Variants in SIGLEC11 observed in about 807,000 individuals in gnomAD.
The protein encoded by SIGLEC11 is sialic acid-binding Ig-like lectin 11.
In SIGLEC11, 47 loss-of-function variants were observed where a neutral mutation model predicts 61.2. That is an observed-to-expected ratio of 0.77 (90% CI 0.61 to 0.98). The LOEUF is 0.98. Ranked by LOEUF, SIGLEC11 falls within the 50% of genes least tolerant of loss-of-function variation. SIGLEC11 has a pLI of 0.00. For missense variants in SIGLEC11, 610 were observed against 870.3 expected, an observed-to-expected ratio of 0.70 and a Z score of 3.76; for synonymous variants, 278 against 373.1, an observed-to-expected ratio of 0.75 and a Z score of 2.94.
chr19:49,958,557 C>G lies in SIGLEC11; in HGVS notation c.1377G>C (p.Leu459=). 1.3e-6 allele frequency: 2 copies of G among 1,578,790 alleles called. No homozygotes were observed. Among genetic ancestry groups the G allele is most frequent in the South Asian group, 1.2e-5 (1 of 85,600 alleles). Residue 459 remains leucine, a synonymous_variant, in exon 8 of 11, where the codon CTG becomes CTC. Coordinates refer to ENST00000447370, the MANE Select transcript of SIGLEC11 (RefSeq NM_052884.3). ...LSLSVHYPPQ[L]LGPSCSWEAE... is the part of the protein sequence containing the mutation. ...CCTCCCAGGAGCAGGAGGGGCCCAG[C>G]AGCTGTGGAGGGTCTGTGGGGAGGG... is the stretch of plus-strand genomic sequence containing the variant.
rs931939876 is a variant in SIGLEC11, at chr19:49,955,307, A to G, written c.1652-2913T>C. ...AGCGGGGCGGGGACTGGCCCCAGAA[A>G]AAAAGCCAAAAAAAAAAAAAAAAAG... is the stretch of plus-strand genomic sequence containing the variant. On this transcript the variant is annotated intron_variant, in intron 8 of 10. Transcript: ENST00000447370. The surrounding 1 kb of genome is among the most constrained non-coding windows in gnomAD (Gnocchi z 4.5). Among the ~76,000 whole-genome samples the G allele has an allele frequency of 1.5e-4, 21 of 144,022 alleles. No homozygotes were observed. The highest frequency in any genetic ancestry group is 2.1e-4 in the Non-Finnish European group (14 of 65,378). 94.5% of individuals were successfully genotyped at this position (144,022 alleles called of 152,430 possible).
In SIGLEC11 at chr19:49,952,388, A is replaced by G; in HGVS notation, c.1658T>C (p.Leu553Pro). Reference sequence around the variant, plus strand: ...CAGGCCAAGTCCTCCCCCATGCTCCAGCTTCCCTGCATGGGAGCAGGGTTT... The same window carrying G: ...CAGGCCAAGTCCTCCCCCATGCTCCGGCTTCCCTGCATGGGAGCAGGGTTT... ...GSVFQLLPGK[L>P]EHGGGLGLGA... The change falls in exon 9 of 11, where the codon CTG becomes CCG. Residue 553 changes from leucine (L) to proline (P), a missense_variant. Leu to Pro is a moderately conservative substitution (Grantham distance 98). Transcript: ENST00000447370. The G allele has an allele frequency of 6.2e-7, 1 of 1,605,590 alleles. No homozygotes were observed. The highest frequency in any genetic ancestry group is 1.3e-5 in the African/African-American group (1 of 75,058).
At chr19:49,958,170 GT>G (rs1435250646) in intron 8 of SIGLEC11, 112 bp downstream of exon 8, 1 of 1,473,504 alleles carries the variant, frequency 6.8e-7, no homozygotes, top group East Asian at 2.3e-5. Flanking sequence ...CAGGGACTTT[GT>G]CCCCATCCCT....
In SIGLEC11 at chr19:49,958,645, T is replaced by C. The variant is rs760450249; in HGVS notation, c.1361A>G (p.His454Arg). The change falls in exon 7 of 11, where the codon CAC (histidine) becomes CGC (arginine). Residue 454 changes from histidine (H) to arginine (R), a missense_variant and splice_region_variant. His to Arg is a conservative substitution (Grantham distance 29, BLOSUM62 0). Coordinates refer to ENST00000447370, the MANE Select transcript of SIGLEC11 (RefSeq NM_052884.3). ...GGTGTCCCCTTTCCCCCACTCACAGTGCACGGAGAGGCTGAGAGAGACGTG... is the reference window on the plus strand; with the variant it reads ...GGTGTCCCCTTTCCCCCACTCACAGCGCACGGAGAGGCTGAGAGAGACGTG... ...SQHVSLSLSV[H>R]YPPQLLGPSC... 3 of 1,591,762 alleles carry C rather than the reference T, an allele frequency of 1.9e-6. No homozygotes were observed. The highest frequency in any genetic ancestry group is 1.3e-5 in the African/African-American group (1 of 74,536).
rs1305457907 is a variant in SIGLEC11, at chr19:49,958,367, C to G, written c.1567G>C (p.Gly523Arg). 1 of 1,614,238 alleles carries G rather than the reference C, an allele frequency of 6.2e-7. No individual in the cohort carries two copies. The highest frequency in any genetic ancestry group is 1.7e-5 in the Admixed American group (1 of 60,032). The change falls in exon 8 of 11, where the codon GGG becomes CGG. Residue 523 changes from glycine (G) to arginine (R), a missense_variant. This residue lies in a region of SIGLEC11 where 432 missense variants were observed against 441.5 expected (regional missense o/e 0.98). Transcript: ENST00000447370. ...WANSSLSLHG[G>R]LSSGLRLRCK... ...CGGAGCCTGAGGCCGGAGCTGAGCC[C>G]TCCATGGAGGCTCAGGGAGCTGTTG...
intron 9 of SIGLEC11, 95 bp from the exon 10 acceptor site, chr19:49,952,067 G>A (rs2076161835): frequency 1.5e-5 from 20 of 1,290,328 alleles, no homozygotes; most frequent in East Asian, 1.5e-4. Context: ...GAAGGCTGCA[G>A]AGCCCAGTGG....
chr19:49,960,654 C>T lies in SIGLEC11; in HGVS notation c.358G>A (p.Asp120Asn), dbSNP rs2076238853. ...GKGSCSLVIR[D>N]AQREDEAWYF... is the part of the protein sequence containing the mutation. ...CATGCCTCATCCTCCCTCTGCGCGT[C>T]TCTGATCACCAAGGAGCAGCTCCCT... The change falls in exon 2 of 11, where the codon GAC (aspartate) becomes AAC (asparagine). Residue 120 changes from aspartate (D) to asparagine (N), a missense_variant. Physicochemically the swap from Asp to Asn is conservative, Grantham distance 23. Transcript: ENST00000447370. 6.2e-7 allele frequency: 1 copy of T among 1,607,494 alleles called. No individual in the cohort carries two copies. The highest frequency in any genetic ancestry group is 1.4e-5 in the African/African-American group (1 of 69,294).
chr19:49,958,653 G>A lies in SIGLEC11; in HGVS notation c.1353C>T (p.Leu451=), dbSNP rs1280846329. ...PLGSQHVSLS[L]SVHYPPQLLG... is the part of the protein sequence containing the mutation. ...CTTTCCCCCACTCACAGTGCACGGA[G>A]AGGCTGAGAGAGACGTGCTGGGAGC... is the stretch of plus-strand genomic sequence containing the variant. The change falls in exon 7 of 11, where the codon CTC becomes CTT. Residue 451 remains leucine, a synonymous_variant. Transcript: ENST00000447370. 2 of 1,597,266 alleles carry A rather than the reference G, an allele frequency of 1.3e-6. No individual in the cohort carries two copies. Among genetic ancestry groups the A allele is most frequent in the African/African-American group, 1.3e-5 (1 of 74,796 alleles).
rs2076224849 is a variant in SIGLEC11, at chr19:49,959,410, GCT to G, written c.1005_1006del (p.Ala336GlyfsTer133). The G allele has an allele frequency of 6.3e-7, 1 of 1,597,422 alleles. No individual in the cohort carries two copies. The highest frequency in any genetic ancestry group is 1.1e-5 in the South Asian group (1 of 88,692). ...CTGCTGGGAGCCAAGCCTGTTCTCC[GCT>G]CGGCAGGTGTAGCGCCCTGAATCCC... is the stretch of plus-strand genomic sequence containing the variant. On this transcript the variant is annotated frameshift_variant, in exon 5 of 11. Transcript: ENST00000447370. LOFTEE classifies it high-confidence loss of function.
chr19:49,958,315 GC>G lies in SIGLEC11; in HGVS notation c.1618del (p.Ala540ProfsTer45), dbSNP rs2076212322. 3.7e-6 allele frequency: 6 copies of G among 1,614,108 alleles called. No individual in the cohort carries two copies. The highest frequency in any genetic ancestry group is 5.1e-6 in the Non-Finnish European group (6 of 1,180,048). ...LRCKAWNVHG[A>X]QSGSVFQLLP... The stretch of plus-strand genomic sequence containing the variant: ...CAGCTGGAAGACAGAGCCACTCTGG[GC>G]CCCGTGGACGTTCCAGGCCTTACAG... On this transcript the variant is annotated frameshift_variant, in exon 8 of 11. Coordinates refer to ENST00000447370, the MANE Select transcript of SIGLEC11 (RefSeq NM_052884.3). LOFTEE classifies it high-confidence loss of function.
At position 49,949,903 on chromosome 19, in the gene SIGLEC11, A is replaced by T; in HGVS notation, c.*67T>A. 3 of 1,331,470 alleles carry T rather than the reference A, an allele frequency of 2.3e-6. No individual in the cohort carries two copies. The highest frequency in any genetic ancestry group is 2.9e-6 in the Non-Finnish European group (3 of 1,030,202). 82.5% of individuals were successfully genotyped at this position (1,331,470 alleles called of 1,614,324 possible). The stretch of plus-strand genomic sequence containing the variant: ...GGGGATGGGGCTGAAATCTGAGTCC[A>T]GTTCTGGCCGTCACACCAGTGCGAC... On this transcript the variant is annotated 3_prime_UTR_variant, in exon 11 of 11. Transcript: ENST00000447370.
At chr19:49,957,884 A>G (rs1337752024) in intron 8 of SIGLEC11, among the ~76,000 whole-genome samples, 4 of 152,170 alleles carry the variant, frequency 2.6e-5, no homozygotes, top group Middle Eastern at 3.4e-3. Flanking sequence ...CCAGCTACTC[A>G]GGTGGCTGAG....
chr19:49,958,700 A>C lies in SIGLEC11; in HGVS notation c.1306T>G (p.Cys436Gly), dbSNP rs1350621668. The C allele has an allele frequency of 6.2e-7, 1 of 1,612,516 alleles. No individual in the cohort carries two copies. The highest frequency in any genetic ancestry group is 8.5e-7 in the Non-Finnish European group (1 of 1,179,144). Residue 436 changes from cysteine (C) to glycine (G), a missense_variant, in exon 7 of 11, where the codon TGC becomes GGC. Transcript: ENST00000447370. ...IQMEHEGEFTCHAQHPLGSQH... is the reference protein window; with the variant it reads ...IQMEHEGEFTGHAQHPLGSQH... The stretch of plus-strand genomic sequence containing the variant: ...GAGCCCAGAGGGTGCTGAGCGTGGC[A>C]GGTGAACTCTCCTTCGTGCTCCATT...
chr19:49,954,174 G>A (rs919935347), intron 8 of SIGLEC11, among the ~76,000 whole-genome samples: 10 of 152,110 alleles, frequency 6.6e-5, no homozygotes, highest in Non-Finnish European at 2.9e-5. Context: ...ATAAAAGTAA[G>A]AGCAGCTTCA....
intron 8 of SIGLEC11, 131 bp downstream of exon 8, chr19:49,958,152 C>G: frequency 7.6e-7 from 1 of 1,309,970 alleles, no homozygotes; most frequent in South Asian, 1.4e-5. Context: ...CAACTACCAG[C>G]CACAGAGCAG....
At position 49,958,412 on chromosome 19, in the gene SIGLEC11, TG is replaced by T; in HGVS notation, c.1521del (p.Ser508AlafsTer11). The T allele has an allele frequency of 6.2e-7, 1 of 1,614,056 alleles. No homozygotes were observed. The highest frequency in any genetic ancestry group is 1.7e-5 in the Admixed American group (1 of 60,008). ...CTGTTGGCCCAGGGCCCGGCTGAGC[TG>T]GGGGTGACCTCGAAGGAGCCCTGAC... ...NSSQGSFEVT[P>X]SSAGPWANSS... On this transcript the variant is annotated frameshift_variant, in exon 8 of 11. Transcript: ENST00000447370. LOFTEE classifies it high-confidence loss of function.
In SIGLEC11 at chr19:49,949,695, AG is replaced by A. The variant is rs1176704974; in HGVS notation, c.*274del. ...TGTCTCTACTAAAAATATAACAATG[AG>A]CCTGGCATGGTGGCTCACAATTGTA... On this transcript the variant is annotated 3_prime_UTR_variant, in exon 11 of 11. Coordinates refer to ENST00000447370, the MANE Select transcript of SIGLEC11 (RefSeq NM_052884.3). 1 of 260,684 alleles carries A rather than the reference AG, an allele frequency of 3.8e-6. No individual in the cohort carries two copies. The highest frequency in any genetic ancestry group is 2.2e-5 in the African/African-American group (1 of 45,310). The allele number at this position is 260,684 out of a possible 1,614,324, so 16.1% of individuals were successfully genotyped here. A position where few individuals can be genotyped will look rare whatever the true frequency, so the allele number is the denominator to read the frequency against.
intron 8 of SIGLEC11, among the ~76,000 whole-genome samples, chr19:49,953,196 C>T (rs764496612): frequency 9.2e-5 from 14 of 152,178 alleles, no homozygotes; most frequent in East Asian, 1.9e-4. Flanking sequence ...TCCCCTGAGC[C>T]GGCGCCCCTA....
rs1262743482 is a variant in SIGLEC11, at chr19:49,952,031, C to A, written c.1749-59G>T. On this transcript the variant is annotated intron_variant, in intron 9 of 10. Coordinates refer to ENST00000447370, the MANE Select transcript of SIGLEC11 (RefSeq NM_052884.3). Reference sequence around the variant, plus strand: ...GCTGGTCCAGAGCCTGGGGAAACTGCTACCCACATGGCTTAGCAGAGGCTG... The same window carrying A: ...GCTGGTCCAGAGCCTGGGGAAACTGATACCCACATGGCTTAGCAGAGGCTG... 14 of 1,514,976 alleles carry A rather than the reference C, an allele frequency of 9.2e-6. No homozygotes were observed. The Admixed American group carries it at 2.8e-4, about 30-fold the overall frequency. 93.8% of individuals were successfully genotyped at this position (1,514,976 alleles called of 1,614,324 possible). A position where few individuals can be genotyped will look rare whatever the true frequency, so the allele number is the denominator to read the frequency against.
Sources: gnomAD v4.1 joint callset for allele counts (sites outside exome capture counted in the v4.1 genomes callset) on GRCh38, gnomAD v4.1.1 for gene constraint, gnomAD v4.1.1 regional missense constraint, Gnocchi (gnomAD v3.1) non-coding constraint, MANE v1.5 for transcripts, NCBI Gene and HGNC (gene_info 2026-07-23, HGNC 2026-07-21) for gene names.